GRIN2B: variants seen among roughly 807,000 people sequenced by gnomAD.
The protein encoded by GRIN2B is glutamate ionotropic receptor NMDA type subunit 2B.
A neutral mutation model predicts 114.5 loss-of-function variants in GRIN2B; 5 were observed. That is an observed-to-expected ratio of 0.04 (90% CI 0.02 to 0.09). The LOEUF is 0.09. GRIN2B is among the 10% of genes least tolerant of loss of function. The pLI is 1.00. For missense variants in GRIN2B, 1,108 were observed against 1,943.5 expected (o/e 0.57, Z 8.08); for synonymous variants, 787 against 745.1 (o/e 1.06, Z -0.92).
intron 3 of GRIN2B, among the ~76,000 whole-genome samples, chr12:13,844,155 C>A (rs778524872): frequency 5.9e-5 from 9 of 152,216 alleles, no homozygotes; most frequent in Non-Finnish European, 1.2e-4. Flanking sequence ...AATAGTGGCT[C>A]TTTTTCTTCC....
At chr12:13,569,624 C>T (rs1017215364) in intron 12 of GRIN2B, among the ~76,000 whole-genome samples, 1 of 152,196 alleles carries the variant, frequency 6.6e-6, no homozygotes, top group African/African-American at 2.4e-5. Context: ...TGAGACAAGA[C>T]ATTTCTGTTG....
At position 13,865,958 on chromosome 12, in the gene GRIN2B, C is replaced by G; in HGVS notation, c.251G>C (p.Arg84Pro). 1 of 1,614,016 alleles carries G rather than the reference C, an allele frequency of 6.2e-7. No homozygotes were observed. The highest frequency in any genetic ancestry group is 8.5e-7 in the Non-Finnish European group (1 of 1,179,966). Residue 84 changes from arginine to proline, a missense_variant, in exon 3 of 14, where the codon CGC (arginine) becomes CCC (proline). Around this residue, in one of 19 missense-constraint regions of GRIN2B, gnomAD observed 199 missense variants for 439.6 expected, o/e 0.45. Coordinates refer to ENST00000609686, the MANE Select transcript of GRIN2B (RefSeq NM_000834.5). ...CCGGTCAGACATGAGATCACAGATG[C>G]GGGTGATGATGCTCTTTGGGTCGGT... is the stretch of plus-strand genomic sequence containing the variant. ...NETDPKSIIT[R>P]ICDLMSDRKI...
Position 13,724,534 on chromosome 12 carries a change from T to C in GRIN2B, c.1010+28783A>G, listed in dbSNP as rs1392254721. On this transcript the variant is annotated intron_variant, in intron 4 of 13. Transcript: ENST00000609686. ...GAGGTGACAAATGATGGGAAGACTT[T>C]GGCAAAATATTGAAAAAGAGATCAG... Among the ~76,000 whole-genome samples the C allele has an allele frequency of 2.6e-5, 4 of 152,110 alleles. No homozygotes were observed. The East Asian group carries it at 5.8e-4, about 22-fold the overall frequency.
intron 3 of GRIN2B, among the ~76,000 whole-genome samples, chr12:13,795,659 A>G (rs1864407107): frequency 6.6e-6 from 1 of 152,230 alleles, no homozygotes; most frequent in Middle Eastern, 3.2e-3. Flanking sequence ...ACTGTTCACA[A>G]TAGCAAAGAC....
chr12:13,892,023 T>C (rs1591606354), intron 2 of GRIN2B, among the ~76,000 whole-genome samples: 1 of 152,216 alleles, frequency 6.6e-6, no homozygotes, highest in Non-Finnish European at 1.5e-5. Context: ...CCATGCTCCA[T>C]CACTCAGCCT....
At chr12:13,686,440 C>T (rs1184666280) in intron 4 of GRIN2B, among the ~76,000 whole-genome samples, 1 of 152,094 alleles carries the variant, frequency 6.6e-6, no homozygotes, top group African/African-American at 2.4e-5. Context: ...GGGGCTAGAA[C>T]TCTGCTGTTC....
intron 4 of GRIN2B, among the ~76,000 whole-genome samples, chr12:13,751,202 G>T (rs1047933644): frequency 6.6e-6 from 1 of 152,140 alleles, no homozygotes; most frequent in African/African-American, 2.4e-5. Flanking sequence ...AAGCATGAGA[G>T]AATTTTGGAA....
chr12:13,600,498 CATGTGTGT>C (rs1409735706), intron 10 of GRIN2B, among the ~76,000 whole-genome samples: 1 of 150,514 alleles, frequency 6.6e-6, no homozygotes, highest in Non-Finnish European at 1.5e-5. Flanking sequence ...TGTGTGTGTG[CATGTGTGT>C]GTGTGTGTGT....
intron 2 of GRIN2B, among the ~76,000 whole-genome samples, chr12:13,953,573 T>C (rs780920552): frequency 6.6e-6 from 1 of 152,280 alleles, no homozygotes; most frequent in South Asian, 2.1e-4. Flanking sequence ...GATTTACCAA[T>C]GGAGATACTG....
At position 13,646,166 on chromosome 12, in the gene GRIN2B, T is replaced by G. The variant is rs144208897; in HGVS notation, c.1126-29509A>C. Among the ~76,000 whole-genome samples the G allele has an allele frequency of 7.0e-3, 1,069 of 152,166 alleles. 9 individuals are homozygous for G. Among genetic ancestry groups the G allele is most frequent in the Non-Finnish European group, 0.011 (723 of 68,000 alleles). The stretch of plus-strand genomic sequence containing the variant: ...GTGATAGGAAGTTTCTCTCCCTGAT[T>G]TACAAAAAGTAATTCAAAGACATAT... On this transcript the variant is annotated intron_variant, in intron 5 of 13. Coordinates refer to ENST00000609686, the MANE Select transcript of GRIN2B (RefSeq NM_000834.5).
chr12:13,864,710 C>G (rs865776549), intron 3 of GRIN2B, among the ~76,000 whole-genome samples: 22 of 152,178 alleles, frequency 1.4e-4, no homozygotes, highest in African/African-American at 5.3e-4. Context: ...AGGGAATAAG[C>G]CCCAGTGTCA....
rs900236305 is a variant in GRIN2B, at chr12:13,834,263, T to A, written c.411+31535A>T. On this transcript the variant is annotated intron_variant, in intron 3 of 13. Coordinates refer to ENST00000609686, the MANE Select transcript of GRIN2B (RefSeq NM_000834.5). ...CGTGTTAGCCACAATGGTCTGGATC[T>A]CCTGACCTCGTGATCCACCCTCCTC... Among the ~76,000 whole-genome samples, 3 of 149,126 alleles carry A rather than the reference T, an allele frequency of 2.0e-5. No homozygotes were observed. In the East Asian group the frequency reaches 5.9e-4, roughly 29 times the overall value.
rs1267343094 is a variant in GRIN2B, at chr12:13,733,656, C to A, written c.1010+19661G>T. ...GTAGAGGCTCTTAATCTTCACTCCCCCTCTGAGACATTGTTGGCTGCTGTA... is the reference window on the plus strand; with the variant it reads ...GTAGAGGCTCTTAATCTTCACTCCCACTCTGAGACATTGTTGGCTGCTGTA... On this transcript the variant is annotated intron_variant, in intron 4 of 13. Coordinates refer to ENST00000609686, the MANE Select transcript of GRIN2B (RefSeq NM_000834.5). Among the ~76,000 whole-genome samples, 4 of 152,206 alleles carry A rather than the reference C, an allele frequency of 2.6e-5. No individual in the cohort carries two copies. The South Asian group carries it at 8.3e-4, about 32-fold the overall frequency.
chr12:13,922,410 G>A (rs892381735), intron 2 of GRIN2B, among the ~76,000 whole-genome samples: 3 of 152,130 alleles, frequency 2.0e-5, no homozygotes, highest in African/African-American at 7.2e-5. Context: ...TTGTTATTTG[G>A]GTTAGGATTA....
At chr12:13,954,663 T>G (rs1216105574) in intron 2 of GRIN2B, among the ~76,000 whole-genome samples, 1 of 151,228 alleles carries the variant, frequency 6.6e-6, no homozygotes, top group African/African-American at 2.4e-5. Flanking sequence ...TATAAAAAAA[T>G]TACCTGGGTG....
intron 3 of GRIN2B, among the ~76,000 whole-genome samples, chr12:13,800,276 G>A (rs1342674751): frequency 6.6e-6 from 1 of 152,104 alleles, no homozygotes; most frequent in East Asian, 1.9e-4. Context: ...GTGTTTCTTA[G>A]CCTCTACTTG....
At chr12:13,772,566 T>C (rs888087644) in intron 3 of GRIN2B, among the ~76,000 whole-genome samples, 1 of 152,212 alleles carries the variant, frequency 6.6e-6, no homozygotes, top group African/African-American at 2.4e-5. Flanking sequence ...ATCATAATTT[T>C]ACAATATAAA....
intron 3 of GRIN2B, among the ~76,000 whole-genome samples, chr12:13,800,872 G>A (rs1030085306): frequency 1.4e-4 from 22 of 152,242 alleles, no homozygotes; most frequent in African/African-American, 5.1e-4. Context: ...ATATTCTGAT[G>A]TAAATACATA....
chr12:13,642,324 A>T (rs1338135168), intron 5 of GRIN2B, among the ~76,000 whole-genome samples: 1 of 152,196 alleles, frequency 6.6e-6, no homozygotes, highest in African/African-American at 2.4e-5. Context: ...TTCCCTGAGA[A>T]TCACTTGTGG....
Sources: allele counts gnomAD v4.1 joint callset (sites outside exome capture counted in the v4.1 genomes callset), GRCh38; gene constraint gnomAD v4.1.1; regional missense constraint gnomAD v4.1.1; transcripts MANE v1.5; gene names NCBI Gene and HGNC (gene_info 2026-07-23, HGNC 2026-07-21).